PDE4D: variants seen among roughly 807,000 people sequenced by gnomAD.
The protein encoded by PDE4D is phosphodiesterase 4D, also known as 3',5'-cyclic-AMP phosphodiesterase 4D.
In PDE4D, 24 loss-of-function variants were observed where a neutral mutation model predicts 87.4. The observed-to-expected ratio is 0.27, with a 90% CI of 0.20 to 0.39. PDE4D has a LOEUF of 0.39. PDE4D is among the 10% of genes least tolerant of loss of function. The probability of loss-of-function intolerance (pLI) is 1.00; values close to 1 mark genes in which losing one functional copy is unlikely to be tolerated. For synonymous variants in PDE4D, 384 were observed against 383.2 expected, an observed-to-expected ratio of 1.00 and a Z score of -0.02; for missense variants, 714 against 1,041.0, an observed-to-expected ratio of 0.69 and a Z score of 4.32.
At chr5:59,098,647 T>C (rs1455406376) in intron 5 of PDE4D, among the ~76,000 whole-genome samples, 2 of 121,438 alleles carry the variant, frequency 1.6e-5, no homozygotes, top group Admixed American at 1.2e-4. Context: ...AAGGCTGCAG[T>C]AAGCCCTGAT....
chr5:59,764,441 A>G (rs1345914897), intron 1 of PDE4D, among the ~76,000 whole-genome samples: 1 of 152,158 alleles, frequency 6.6e-6, no homozygotes, highest in African/African-American at 2.4e-5. Context: ...AAGTCACACA[A>G]TTACTAAATG....
intron 1 of PDE4D, among the ~76,000 whole-genome samples, chr5:59,503,291 A>G (rs997138792): frequency 1.3e-5 from 2 of 152,186 alleles, no homozygotes; most frequent in African/African-American, 2.4e-5. Flanking sequence ...TCAGAAACTT[A>G]TGCTTTCAAG....
chr5:58,979,064 CT>C, intron 11 of PDE4D, among the ~76,000 whole-genome samples: 1 of 152,220 alleles, frequency 6.6e-6, no homozygotes, highest in Non-Finnish European at 1.5e-5. Context: ...TACAAAAACC[CT>C]AATTGGCTTA....
intron 1 of PDE4D, among the ~76,000 whole-genome samples, chr5:60,341,100 T>G (rs1758275186): frequency 6.6e-6 from 1 of 152,048 alleles, no homozygotes; most frequent in Non-Finnish European, 1.5e-5. Context: ...CAGAGCAATA[T>G]CTTGAAACTG....
intron 1 of PDE4D, chr5:59,275,918 A>T (rs1285907739): frequency 2.0e-6 from 2 of 985,204 alleles, no homozygotes; most frequent in Non-Finnish European, 2.4e-6. Flanking sequence ...TGGAGCAAAG[A>T]AGTCAGCCAA....
intron 1 of PDE4D, among the ~76,000 whole-genome samples, chr5:59,515,885 G>T (rs758676591): frequency 5.7e-4 from 86 of 152,188 alleles, no homozygotes; most frequent in Non-Finnish European, 1.9e-4. Context: ...GTGGAAAAAT[G>T]ATGGATCAGT....
chr5:60,438,079 G>T (rs962599829), intron 1 of PDE4D, among the ~76,000 whole-genome samples: 2 of 152,122 alleles, frequency 1.3e-5, no homozygotes, highest in Non-Finnish European at 1.5e-5. Flanking sequence ...AAATTTAACA[G>T]ATTTTAAAAA....
chr5:60,047,308 C>CA (rs1315620391), intron 2 of PDE4D, among the ~76,000 whole-genome samples: 1 of 148,640 alleles, frequency 6.7e-6, no homozygotes, highest in East Asian at 2.0e-4. Context: ...TTGATCCTTT[C>CA]AAAAAACCAG....
intron 1 of PDE4D, among the ~76,000 whole-genome samples, chr5:59,295,075 A>T (rs1768790444): frequency 1.3e-5 from 2 of 152,312 alleles, no homozygotes; most frequent in South Asian, 4.1e-4. Context: ...CAAAATTAAC[A>T]TTATACCTCC....
intron 1 of PDE4D, among the ~76,000 whole-genome samples, chr5:60,324,866 A>C (rs2149850393): frequency 6.6e-6 from 1 of 152,352 alleles, no homozygotes; most frequent in East Asian, 1.9e-4. Flanking sequence ...AACAACAGAA[A>C]ACAAAGTATA....
At chr5:59,653,982 G>C (rs1376873636) in intron 1 of PDE4D, among the ~76,000 whole-genome samples, 9 of 152,056 alleles carry the variant, frequency 5.9e-5, no homozygotes, top group African/African-American at 2.2e-4. Flanking sequence ...GAGGCCTGCA[G>C]ATCCCTTAAG....
chr5:59,788,168 G>T (rs1212158229), intron 1 of PDE4D, among the ~76,000 whole-genome samples: 1 of 152,176 alleles, frequency 6.6e-6, no homozygotes, highest in African/African-American at 2.4e-5. Flanking sequence ...TGATGGCTTT[G>T]ATGAAGTTTA....
At chr5:60,418,912 A>G (rs1449606464) in intron 1 of PDE4D, among the ~76,000 whole-genome samples, 1 of 151,904 alleles carries the variant, frequency 6.6e-6, no homozygotes, top group East Asian at 1.9e-4. Context: ...TTAATCAGGG[A>G]AAGATTATTA....
intron 2 of PDE4D, among the ~76,000 whole-genome samples, chr5:60,046,192 C>T (rs1000508219): frequency 6.6e-6 from 1 of 152,080 alleles, no homozygotes; most frequent in African/African-American, 2.4e-5. Context: ...TATAAGAACG[C>T]TTGTGATTTT....
At chr5:60,010,234 C>CA (rs1255611966) in intron 2 of PDE4D, among the ~76,000 whole-genome samples, 17 of 152,066 alleles carry the variant, frequency 1.1e-4, no homozygotes, top group African/African-American at 4.1e-4. Flanking sequence ...TTTTATATGT[C>CA]TACTCATTTG....
chr5:59,702,158 C>G (rs901575937), intron 1 of PDE4D, among the ~76,000 whole-genome samples: 1 of 152,176 alleles, frequency 6.6e-6, no homozygotes, highest in Non-Finnish European at 1.5e-5. Flanking sequence ...AAGTCTCACT[C>G]TGTCGCCCAG....
chr5:59,953,244 G>A (rs1278060297), intron 3 of PDE4D, among the ~76,000 whole-genome samples: 1 of 152,092 alleles, frequency 6.6e-6, no homozygotes, highest in African/African-American at 2.4e-5. Flanking sequence ...TGAGAAAAGT[G>A]AAAATGGGAA....
chr5:60,452,357 C>T (rs1253189173), intron 1 of PDE4D, among the ~76,000 whole-genome samples: 1 of 152,160 alleles, frequency 6.6e-6, no homozygotes, highest in East Asian at 1.9e-4. Flanking sequence ...ACTGCAGATG[C>T]ATGTTTTCAC....
chr5:60,085,871 G>C (rs540646535), intron 2 of PDE4D, among the ~76,000 whole-genome samples: 2 of 152,314 alleles, frequency 1.3e-5, no homozygotes, highest in Admixed American at 1.3e-4. Flanking sequence ...TATGTAAAGA[G>C]GGGATTTGTA....
Sources: gnomAD v4.1 joint callset for allele counts (sites outside exome capture counted in the v4.1 genomes callset) on GRCh38, gnomAD v4.1.1 for gene constraint, MANE v1.5 for transcripts, NCBI Gene and HGNC (gene_info 2026-07-23, HGNC 2026-07-21) for gene names.